The following CACNB2 variants were observed in gnomAD, a reference collection of about 807,000 sequenced individuals.
CACNB2 encodes calcium voltage-gated channel auxiliary subunit beta 2.
CACNB2 carries 42 observed loss-of-function variants against 73.3 expected under a neutral mutation model. That is an observed-to-expected ratio of 0.57 (90% confidence interval 0.45 to 0.74). CACNB2 has a LOEUF of 0.74. Ranked by LOEUF, CACNB2 falls within the 30% of genes least tolerant of loss-of-function variation. The pLI, the probability that CACNB2 is intolerant of heterozygous loss-of-function variation, is 0.00. For synonymous variants in CACNB2, 348 were observed against 310.3 expected (o/e 1.12, Z -1.28); for missense variants, 940 against 853.0 (o/e 1.10, Z -1.27).
At chr10:18,488,899 C>G (rs1049812792) in intron 3 of CACNB2, among the ~76,000 whole-genome samples, 1 of 151,996 alleles carries the variant, frequency 6.6e-6, no homozygotes, top group Non-Finnish European at 1.5e-5. Flanking sequence ...AATCTTCAGC[C>G]GGGTACGGTG....
intron 3 of CACNB2, among the ~76,000 whole-genome samples, chr10:18,479,232 T>A (rs930031033): frequency 6.6e-6 from 1 of 152,184 alleles, no homozygotes; most frequent in Non-Finnish European, 1.5e-5. Flanking sequence ...TGTGTGTATA[T>A]GTATATATCT....
intron 3 of CACNB2, among the ~76,000 whole-genome samples, chr10:18,425,406 C>T (rs2045544273): frequency 6.6e-6 from 1 of 152,136 alleles, no homozygotes; most frequent in African/African-American, 2.4e-5. Context: ...GTGGCTCAAT[C>T]CTGTAACCCC....
intron 2 of CACNB2, among the ~76,000 whole-genome samples, chr10:18,168,098 AT>A (rs1348782890): frequency 2.0e-5 from 3 of 152,070 alleles, no homozygotes; most frequent in Non-Finnish European, 4.4e-5. Flanking sequence ...GTTTGTTTGC[AT>A]TTTTTGTTCC....
intron 2 of CACNB2, among the ~76,000 whole-genome samples, chr10:18,391,147 T>C (rs2043450665): frequency 6.6e-6 from 1 of 152,244 alleles, no homozygotes; most frequent in Admixed American, 6.5e-5. Flanking sequence ...TCAACTGGCC[T>C]ATAGTTGACA....
chr10:18,481,417 T>C (rs1468679559), intron 3 of CACNB2, among the ~76,000 whole-genome samples: 1 of 150,420 alleles, frequency 6.6e-6, no homozygotes, highest in East Asian at 2.0e-4. Context: ...CGGCTAGTTT[T>C]TGTATTTTTA....
At chr10:18,373,897 T>C (rs138924095) in intron 2 of CACNB2, among the ~76,000 whole-genome samples, 4 of 152,320 alleles carry the variant, frequency 2.6e-5, no homozygotes, top group African/African-American at 9.6e-5. Context: ...AAAGTTAAGA[T>C]GTAAAAACAG....
intron 3 of CACNB2, among the ~76,000 whole-genome samples, chr10:18,467,843 A>G (rs891322043): frequency 1.3e-4 from 20 of 152,152 alleles, no homozygotes; most frequent in African/African-American, 4.3e-4. Context: ...AGTACTCACA[A>G]TGCATTGCAA....
intron 3 of CACNB2, among the ~76,000 whole-genome samples, chr10:18,491,765 G>A (rs532701597): frequency 7.8e-6 from 1 of 127,630 alleles, no homozygotes; most frequent in Non-Finnish European, 1.6e-5. Context: ...ATGGTTTCAT[G>A]GATAAAAATT....
At chr10:18,159,199 G>A (rs1320658548) in intron 2 of CACNB2, among the ~76,000 whole-genome samples, 1 of 152,062 alleles carries the variant, frequency 6.6e-6, no homozygotes, top group Admixed American at 6.5e-5. Context: ...TGATTCCACA[G>A]CATGGCCATT....
chr10:18,505,436 A>G (rs1234666898), intron 5 of CACNB2, among the ~76,000 whole-genome samples: 1 of 152,204 alleles, frequency 6.6e-6, no homozygotes, highest in African/African-American at 2.4e-5. Flanking sequence ...CTAATTGCCT[A>G]ATAAAGTTTT....
chr10:18,274,273 G>C (rs1005148126), intron 2 of CACNB2, among the ~76,000 whole-genome samples: 1 of 152,128 alleles, frequency 6.6e-6, no homozygotes, highest in African/African-American at 2.4e-5. Flanking sequence ...AAAGGAATAA[G>C]AAAAGTATCT....
intron 3 of CACNB2, among the ~76,000 whole-genome samples, chr10:18,447,157 G>T (rs1457077899): frequency 6.6e-6 from 1 of 152,134 alleles, no homozygotes; most frequent in African/African-American, 2.4e-5. Context: ...TACTACATTT[G>T]GAGGATGATG....
chr10:18,400,344 A>C (rs2043927543), intron 2 of CACNB2, among the ~76,000 whole-genome samples: 1 of 152,216 alleles, frequency 6.6e-6, no homozygotes. Flanking sequence ...AAACGATCTC[A>C]TGCTTTGTTT....
At chr10:18,490,237 C>T (rs1435446579) in intron 3 of CACNB2, among the ~76,000 whole-genome samples, 3 of 152,146 alleles carry the variant, frequency 2.0e-5, no homozygotes, top group East Asian at 1.9e-4. Flanking sequence ...TTGGTACTTA[C>T]GAATTTATTT....
In CACNB2 at chr10:18,539,539, C is replaced by T; in HGVS notation, c.1798C>T (p.His600Tyr). ...AGACGAGACCCACGGGAGCAGTGAC[C>T]ACAGACACAGGGAGTCCCGGCACCG... ...HRDETHGSSDHRHRESRHRSR... is the reference protein window; with the variant it reads ...HRDETHGSSDYRHRESRHRSR... The change falls in exon 14 of 14, where the codon CAC becomes TAC. Residue 600 changes from histidine (H) to tyrosine (Y), a missense_variant. Transcript: ENST00000324631. 1.9e-6 allele frequency: 3 copies of T among 1,613,846 alleles called. No individual in the cohort carries two copies. The highest frequency in any genetic ancestry group is 2.5e-6 in the Non-Finnish European group (3 of 1,179,980).
intron 2 of CACNB2, among the ~76,000 whole-genome samples, chr10:18,277,895 A>G (rs1466186423): frequency 6.6e-6 from 1 of 152,190 alleles, no homozygotes; most frequent in South Asian, 2.1e-4. Flanking sequence ...ACTTAAGCAG[A>G]TCATGTATGG....
intron 2 of CACNB2, among the ~76,000 whole-genome samples, chr10:18,260,101 A>G (rs2037470043): frequency 6.6e-6 from 1 of 152,152 alleles, no homozygotes; most frequent in African/African-American, 2.4e-5. Context: ...CACACTAAAG[A>G]TATTGCGTAT....
At chr10:18,172,417 TC>T (rs2033306622) in intron 2 of CACNB2, among the ~76,000 whole-genome samples, 1 of 152,200 alleles carries the variant, frequency 6.6e-6, no homozygotes, top group African/African-American at 2.4e-5. Context: ...GAAATGTTTT[TC>T]TCTTCTCTTG....
chr10:18,302,049 G>A (rs909162255), intron 2 of CACNB2, among the ~76,000 whole-genome samples: 1 of 151,968 alleles, frequency 6.6e-6, no homozygotes, highest in Admixed American at 6.6e-5. Flanking sequence ...ATAGCCTTAA[G>A]AAAGACTAGG....
Sources: gnomAD v4.1 joint callset for allele counts (sites outside exome capture counted in the v4.1 genomes callset) on GRCh38, gnomAD v4.1.1 for gene constraint, MANE v1.5 for transcripts, NCBI Gene and HGNC (gene_info 2026-07-23, HGNC 2026-07-21) for gene names.